NVL: variants seen among roughly 807,000 people sequenced by gnomAD.
NVL encodes nuclear valosin-containing protein-like.
Under a neutral mutation model 110.2 loss-of-function variants are expected in NVL, and 84 were observed. That is an observed-to-expected ratio of 0.76 (90% CI 0.64 to 0.91). The LOEUF is 0.91. NVL is among the 40% of genes least tolerant of loss of function. The pLI is 0.00. For missense variants in NVL, 882 were observed against 1,035.9 expected (o/e 0.85, Z 2.04); for synonymous variants, 354 against 361.1 (o/e 0.98, Z 0.22).
At position 224,238,173 on chromosome 1, in the gene NVL, A is replaced by G. The variant is rs1365458420; in HGVS notation, c.2290-1591T>C. Among the ~76,000 whole-genome samples the G allele has an allele frequency of 1.7e-4, 8 of 46,866 alleles. No homozygotes were observed. The East Asian group carries it at 5.0e-3, about 29-fold the overall frequency. The allele number at this position is 46,866 out of a possible 152,430, so 30.7% of individuals were successfully genotyped here. A position where few individuals can be genotyped will look rare whatever the true frequency, so the allele number is the denominator to read the frequency against. ...CTCAGCCTCTTGGGTAGCTGGGACT[A>G]TAGGCACCCACCACACACCTGGCTA... On this transcript the variant is annotated intron_variant, in intron 19 of 22. Transcript: ENST00000281701.
intron 18 of NVL, among the ~76,000 whole-genome samples, chr1:224,252,998 T>C (rs539501598): frequency 1.3e-5 from 2 of 152,236 alleles, no homozygotes; most frequent in Admixed American, 1.3e-4. Flanking sequence ...ATTTTGGGTT[T>C]CACCCAAGTT....
intron 19 of NVL, among the ~76,000 whole-genome samples, chr1:224,237,727 C>T (rs917010925): frequency 9.0e-5 from 4 of 44,336 alleles, no homozygotes; most frequent in East Asian, 8.9e-4. Flanking sequence ...CCATGCCTGG[C>T]TACTTTTTTT....
chr1:224,236,463 T>C (rs1233141024), intron 20 of NVL, 43 bp downstream of exon 20: 3 of 1,469,232 alleles, frequency 2.0e-6, no homozygotes, highest in Non-Finnish European at 1.9e-6. Context: ...GATGAGGAAA[T>C]TGAACCCCAG....
intron 17 of NVL, among the ~76,000 whole-genome samples, chr1:224,273,007 C>A (rs1360825746): frequency 7.3e-6 from 1 of 137,780 alleles, no homozygotes; most frequent in East Asian, 2.2e-4. Context: ...GCACTCCAGC[C>A]TGGGCGACAG....
chr1:224,265,708 CT>C (rs1664438340), intron 18 of NVL, among the ~76,000 whole-genome samples: 2 of 152,082 alleles, frequency 1.3e-5, no homozygotes, highest in South Asian at 4.2e-4. Context: ...GTCATGAGGG[CT>C]CTGCCCTCAT....
At chr1:224,310,439 T>C (rs1430191843) in intron 5 of NVL, among the ~76,000 whole-genome samples, 2 of 152,184 alleles carry the variant, frequency 1.3e-5, no homozygotes, top group Non-Finnish European at 2.9e-5. Flanking sequence ...GCCTTTTCAT[T>C]ACTAATGCCA....
intron 18 of NVL, among the ~76,000 whole-genome samples, chr1:224,261,714 G>A (rs1389557314): frequency 6.6e-6 from 1 of 152,182 alleles, no homozygotes; most frequent in Non-Finnish European, 1.5e-5. Context: ...CACATTGTGA[G>A]GCTGAGGTGG....
rs756422352 is a variant in NVL, at chr1:224,330,123, T to G, written c.5A>C (p.Lys2Thr). The G allele has an allele frequency of 6.2e-7, 1 of 1,614,016 alleles. No homozygotes were observed. The highest frequency in any genetic ancestry group is 1.3e-5 in the African/African-American group (1 of 75,052). Residue 2 changes from lysine to threonine, a missense_variant, in exon 1 of 23, where the codon AAG (lysine) becomes ACG (threonine). Transcript: ENST00000281701. M[K>T]PRPAGFVDNK... ...ATCCACGAACCCTGCAGGTCTGGGC[T>G]TCATCGCGTCGGTCTTCCAAGCCAC...
At chr1:224,236,650 C>A (rs959999797) in intron 19 of NVL, 68 bp from the exon 20 acceptor site, 17 of 1,300,978 alleles carry the variant, frequency 1.3e-5, no homozygotes. Context: ...ATGGCTCATG[C>A]TTGTAATCCC....
chr1:224,241,028 A>T (rs1661140911), intron 19 of NVL, among the ~76,000 whole-genome samples: 1 of 152,000 alleles, frequency 6.6e-6, no homozygotes, highest in Non-Finnish European at 1.5e-5. Flanking sequence ...TGACCTGGTG[A>T]TCCACCCACC....
chr1:224,275,415 C>T lies in NVL; in HGVS notation c.2006G>A (p.Arg669Gln), dbSNP rs561323445. The stretch of plus-strand genomic sequence containing the variant: ...CACACAGGGTGCTGAGTTCTTGGCT[C>T]GTTGAAAAACTTGTCGCACAGCACG... ...SERAVRQVFQ[R>Q]AKNSAPCVIF... The change falls in exon 17 of 23, where the codon CGA becomes CAA. Residue 669 changes from arginine (R) to glutamine (Q), a missense_variant. Arg to Gln is a conservative substitution (Grantham distance 43). Around this residue, in one of 4 missense-constraint regions of NVL, gnomAD observed 66 missense variants for 127.5 expected, o/e 0.52. Transcript: ENST00000281701. The T allele has an allele frequency of 2.1e-5, 34 of 1,614,102 alleles. No homozygotes were observed. The Admixed American group carries it at 2.3e-4, about 11-fold the overall frequency.
intron 5 of NVL, among the ~76,000 whole-genome samples, chr1:224,310,248 T>A (rs914712561): frequency 6.6e-6 from 1 of 152,040 alleles, no homozygotes; most frequent in African/African-American, 2.4e-5. Context: ...ATTGTATTAT[T>A]ACAAGTAATC....
intron 18 of NVL, among the ~76,000 whole-genome samples, chr1:224,259,633 A>G (rs1305862225): frequency 6.6e-6 from 1 of 151,946 alleles, no homozygotes; most frequent in Non-Finnish European, 1.5e-5. Flanking sequence ...CATTAAACAA[A>G]TAATAATAAT....
chr1:224,303,875 C>T lies in NVL; in HGVS notation c.826-18G>A. 6.3e-7 allele frequency: 1 copy of T among 1,591,334 alleles called. No homozygotes were observed. Among genetic ancestry groups the T allele is most frequent in the South Asian group, 1.1e-5 (1 of 87,580 alleles). On this transcript the variant is annotated intron_variant, in intron 8 of 22. Transcript: ENST00000281701. Reference sequence around the variant, plus strand: ...CAGACCTCCTAGCAGAGGATAAGCACAAAGATGTCTTTCAAGACAGAACAA... The same window carrying T: ...CAGACCTCCTAGCAGAGGATAAGCATAAAGATGTCTTTCAAGACAGAACAA...
intron 12 of NVL, among the ~76,000 whole-genome samples, chr1:224,290,695 G>A (rs1558312995): frequency 6.6e-6 from 1 of 151,926 alleles, no homozygotes. Flanking sequence ...CCAGCTACTC[G>A]GGAGGCTGAG....
intron 4 of NVL, among the ~76,000 whole-genome samples, chr1:224,315,754 A>G (rs1313668949): frequency 1.3e-5 from 2 of 152,256 alleles, no homozygotes; most frequent in East Asian, 3.8e-4. Context: ...TACTGTCCAC[A>G]CAAAGACCTG....
intron 21 of NVL, chr1:224,232,749 C>T (rs1660042938): frequency 6.6e-6 from 1 of 152,582 alleles, no homozygotes; most frequent in Admixed American, 6.5e-5. Flanking sequence ...GAGATGGCCC[C>T]AAAGCATCAC....
At chr1:224,283,600 T>C (rs1295859334) in intron 15 of NVL, among the ~76,000 whole-genome samples, 1 of 152,094 alleles carries the variant, frequency 6.6e-6, no homozygotes, top group Non-Finnish European at 1.5e-5. Context: ...GTTTTAGTAC[T>C]ATATATGCTT....
chr1:224,253,538 T>G (rs1225637498), intron 18 of NVL, among the ~76,000 whole-genome samples: 18 of 150,616 alleles, frequency 1.2e-4, no homozygotes, highest in Non-Finnish European at 1.6e-4. Context: ...ATTGAGACCA[T>G]CCTGGCCAAC....
Sources: allele counts gnomAD v4.1 joint callset (sites outside exome capture counted in the v4.1 genomes callset), GRCh38; gene constraint gnomAD v4.1.1; regional missense constraint gnomAD v4.1.1; transcripts MANE v1.5; gene names NCBI Gene and HGNC (gene_info 2026-07-23, HGNC 2026-07-21).